The following VARS2 variants were observed in gnomAD, a reference collection of about 807,000 sequenced individuals.
The protein encoded by VARS2 is valyl-tRNA synthetase 2, mitochondrial.
VARS2 carries 105 observed loss-of-function variants against 154.1 expected under a neutral mutation model. That is an observed-to-expected ratio of 0.68 (90% CI 0.58 to 0.80). The LOEUF (loss-of-function observed/expected upper bound fraction) is 0.80, where lower values mean the gene tolerates loss of function less well. Among genes scored for constraint, VARS2 ranks in the 30% least tolerant of loss-of-function variants. The pLI is 0.00. For missense variants in VARS2, 1,157 were observed against 1,361.4 expected, an observed-to-expected ratio of 0.85 and a Z score of 2.36; for synonymous variants, 483 against 539.5, an observed-to-expected ratio of 0.90 and a Z score of 1.45.
chr6:30,914,935 G>A lies in VARS2; in HGVS notation c.99G>A (p.Glu33=), dbSNP rs770624192. The A allele has an allele frequency of 6.2e-7, 1 of 1,613,072 alleles. No homozygotes were observed. Among genetic ancestry groups the A allele is most frequent in the Admixed American group, 1.7e-5 (1 of 60,028 alleles). The change falls in exon 2 of 30, where the codon GAG becomes GAA. Residue 33 remains glutamate, a synonymous_variant. Transcript: ENST00000676266. ...PRFHSVSTQS[E]PHGSPISRRN... is the part of the protein sequence containing the mutation. Reference sequence around the variant, plus strand: ...TTCACTCCGTTTCTACACAGTCGGAGCCCCATGGATCTCCCATCTCCCGGA... The same window carrying A: ...TTCACTCCGTTTCTACACAGTCGGAACCCCATGGATCTCCCATCTCCCGGA...
In VARS2 at chr6:30,921,515, C is replaced by T. The variant is rs114889222; in HGVS notation, c.1633-74C>T. 0.011 allele frequency: 16,142 copies of T among 1,524,258 alleles called. 122 individuals carry two copies. Among genetic ancestry groups the T allele is most frequent in the Non-Finnish European group, 0.011 (12,803 of 1,121,030 alleles). 94.4% of individuals were successfully genotyped at this position (1,524,258 alleles called of 1,614,324 possible). A position where few individuals can be genotyped will look rare whatever the true frequency, so the allele number is the denominator to read the frequency against. ...TGGCCACTCTAAGACCACATGAGGACGTGAAAACCAAGTGACATTTACACC... is the reference window on the plus strand; with the variant it reads ...TGGCCACTCTAAGACCACATGAGGATGTGAAAACCAAGTGACATTTACACC... On this transcript the variant is annotated intron_variant, in intron 17 of 29. Transcript: ENST00000676266. This position sits in a 1 kb window ranked among gnomAD's most constrained non-coding sequence, Gnocchi z 4.6.
intron 11 of VARS2, 76 bp downstream of exon 11, chr6:30,918,991 C>A: frequency 7.5e-7 from 1 of 1,328,936 alleles, no homozygotes. Flanking sequence ...TAAATGGTGG[C>A]TCTTTCTCTC....
Position 30,920,354 on chromosome 6 carries a change from C to T in VARS2, c.1315C>T (p.Arg439Trp), listed in dbSNP as rs867938374. The change falls in exon 14 of 30, where the codon CGG (arginine) becomes TGG (tryptophan). Residue 439 changes from arginine (R) to tryptophan (W), a missense_variant. Physicochemically the swap from Arg to Trp is moderately radical, Grantham distance 101 (BLOSUM62 -3). Coordinates refer to ENST00000676266, the MANE Select transcript of VARS2 (RefSeq NM_020442.6). This position sits in a 1 kb window ranked among gnomAD's most constrained non-coding sequence, Gnocchi z 4.6. ...CCAGGGTCTTCACCGGTTTGTGGCC[C>T]GGGAAAAGATAATGTCTGTGCTGAG... ...WLQGLHRFVA[R>W]EKIMSVLSEW... is the part of the protein sequence containing the mutation. The T allele has an allele frequency of 8.7e-6, 14 of 1,612,568 alleles. No individual in the cohort carries two copies. Among genetic ancestry groups the T allele is most frequent in the Non-Finnish European group, 1.1e-5 (13 of 1,179,408 alleles).
intron 26 of VARS2, among the ~76,000 whole-genome samples, chr6:30,924,974 T>C (rs1794747503): frequency 6.6e-6 from 1 of 152,254 alleles, no homozygotes; most frequent in Non-Finnish European, 1.5e-5. Flanking sequence ...ATTTAACTAT[T>C]TAAATTTATA....
At chr6:30,918,260 G>A (rs1440402400) in intron 10 of VARS2, among the ~76,000 whole-genome samples, 1 of 152,172 alleles carries the variant, frequency 6.6e-6, no homozygotes, top group Admixed American at 6.5e-5. Context: ...TAGAGACGGG[G>A]TTTCACCATG....
Position 30,926,095 on chromosome 6 carries a change from T to G in VARS2, c.3091-14T>G. 6.2e-7 allele frequency: 1 copy of G among 1,613,052 alleles called. No individual in the cohort carries two copies. ...CTCATTCCTGGATCCTCACCTCCTTTTCTCCTCGTCCAGCTTTCTTCCCTC... is the reference window on the plus strand; with the variant it reads ...CTCATTCCTGGATCCTCACCTCCTTGTCTCCTCGTCCAGCTTTCTTCCCTC... On this transcript the variant is annotated splice_polypyrimidine_tract_variant and intron_variant, in intron 29 of 29. Transcript: ENST00000676266.
chr6:30,921,850 A>C lies in VARS2; in HGVS notation c.1736-75A>C. The stretch of plus-strand genomic sequence containing the variant: ...GGTCTCTGGGGGTGGGGGTTGGCCT[A>C]GAATGGTGGCAGCAGTGGTCTGAGG... On this transcript the variant is annotated intron_variant, in intron 18 of 29. Transcript: ENST00000676266. The surrounding 1 kb of genome is among the most constrained non-coding windows in gnomAD (Gnocchi z 4.6). 6.3e-7 allele frequency: 1 copy of C among 1,597,158 alleles called. No homozygotes were observed. The highest frequency in any genetic ancestry group is 8.6e-7 in the Non-Finnish European group (1 of 1,166,856).
chr6:30,919,010 A>G lies in VARS2; in HGVS notation c.1074+95A>G. On this transcript the variant is annotated intron_variant, in intron 11 of 29. Transcript: ENST00000676266. This position sits in a 1 kb window ranked among gnomAD's most constrained non-coding sequence, Gnocchi z 4.5. ...TGGTGGCTCTTTCTCTCTTGCTTCTACTTCCTTTTCCTGAGACTTCTCTCA... is the reference window on the plus strand; with the variant it reads ...TGGTGGCTCTTTCTCTCTTGCTTCTGCTTCCTTTTCCTGAGACTTCTCTCA... 8.5e-7 allele frequency: 1 copy of G among 1,175,956 alleles called. No homozygotes were observed. Among genetic ancestry groups the G allele is most frequent in the Non-Finnish European group, 1.2e-6 (1 of 803,740 alleles). The allele number at this position is 1,175,956 out of a possible 1,614,324, so 72.8% of individuals were successfully genotyped here. A position where few individuals can be genotyped will look rare whatever the true frequency, so the allele number is the denominator to read the frequency against.
At position 30,914,815 on chromosome 6, in the gene VARS2, G is replaced by A. The variant is rs771687543; in HGVS notation, c.-22G>A. ...TCTCTCTCTATCCAGAACAGATCTC[G>A]GCCCCTTTCCAAACACTCCTGATGC... On this transcript the variant is annotated 5_prime_UTR_variant, in exon 2 of 30. Coordinates refer to ENST00000676266, the MANE Select transcript of VARS2 (RefSeq NM_020442.6). The A allele has an allele frequency of 6.2e-7, 1 of 1,612,902 alleles. No homozygotes were observed. Among genetic ancestry groups the A allele is most frequent in the Non-Finnish European group, 8.5e-7 (1 of 1,179,966 alleles).
chr6:30,917,304 C>T lies in VARS2; in HGVS notation c.873+80C>T. 1 of 1,605,840 alleles carries T rather than the reference C, an allele frequency of 6.2e-7. No individual in the cohort carries two copies. Among genetic ancestry groups the T allele is most frequent in the Non-Finnish European group, 8.5e-7 (1 of 1,174,370 alleles). On this transcript the variant is annotated intron_variant, in intron 9 of 29. Coordinates refer to ENST00000676266, the MANE Select transcript of VARS2 (RefSeq NM_020442.6). This position sits in a 1 kb window ranked among gnomAD's most constrained non-coding sequence, Gnocchi z 4.4. Reference sequence around the variant, plus strand: ...TGATTAAGAGCTCAGACTCTGGAGCCAGGGTGCCTGGATTCAAATCTGATG... The same window carrying T: ...TGATTAAGAGCTCAGACTCTGGAGCTAGGGTGCCTGGATTCAAATCTGATG...
chr6:30,920,128 C>A lies in VARS2; in HGVS notation c.1205C>A (p.Ala402Asp). 1 of 1,583,048 alleles carries A rather than the reference C, an allele frequency of 6.3e-7. No individual in the cohort carries two copies. Among genetic ancestry groups the A allele is most frequent in the Non-Finnish European group, 8.6e-7 (1 of 1,164,574 alleles). Residue 402 changes from alanine to aspartate, a missense_variant, in exon 13 of 30, where the codon GCT becomes GAT. Ala to Asp is a moderately radical substitution (Grantham distance 126, BLOSUM62 -2). Coordinates refer to ENST00000676266, the MANE Select transcript of VARS2 (RefSeq NM_020442.6). This position sits in a 1 kb window ranked among gnomAD's most constrained non-coding sequence, Gnocchi z 4.6. ...KVTPAHSPAD[A>D]EMGARHGLSP... The stretch of plus-strand genomic sequence containing the variant: ...ACTCCAGCTCACAGTCCTGCCGATG[C>A]TGAGATGGGGGCCCGACATGGCTTG...
At chr6:30,922,094 T>C in intron 19 of VARS2, 22 bp from the exon 20 acceptor site, 1 of 1,612,426 alleles carries the variant, frequency 6.2e-7, no homozygotes, top group Non-Finnish European at 8.5e-7. Context: ...CCTGGGCCTC[T>C]TACTGCTCCT....
intron 25 of VARS2, chr6:30,923,743 G>A: frequency 1.7e-6 from 1 of 575,894 alleles, no homozygotes; most frequent in Non-Finnish European, 3.0e-6. Context: ...TTCTAGAAAT[G>A]TCTGACAAGT....
rs1417117927 is a variant in VARS2 at position 30,916,453 on chromosome 6, C to T, written c.671+204C>T. 1.0e-5 allele frequency: 4 copies of T among 398,464 alleles called. No homozygotes were observed. Among genetic ancestry groups the T allele is most frequent in the Middle Eastern group, 6.4e-4 (1 of 1,572 alleles). The allele number at this position is 398,464 out of a possible 1,614,324, so 24.7% of individuals were successfully genotyped here. A position where few individuals can be genotyped will look rare whatever the true frequency, so the allele number is the denominator to read the frequency against. On this transcript the variant is annotated intron_variant, in intron 7 of 29. Transcript: ENST00000676266. The surrounding 1 kb of genome is among the most constrained non-coding windows in gnomAD (Gnocchi z 4.0). Reference sequence around the variant, plus strand: ...GATATTATATATGCATTAGAATATTCGTGTGTGTGTGTGTGTGTGTGTGTA... The same window carrying T: ...GATATTATATATGCATTAGAATATTTGTGTGTGTGTGTGTGTGTGTGTGTA...
At chr6:30,925,467 C>T (rs1794777238) in intron 27 of VARS2, 77 bp from the exon 28 acceptor site, 8 of 1,557,518 alleles carry the variant, frequency 5.1e-6, no homozygotes, top group East Asian at 4.5e-5. Context: ...GAAGGGCCAA[C>T]CCCCCCGTTA....
chr6:30,925,400 G>T lies in VARS2; in HGVS notation c.2785+15G>T, dbSNP rs1293797655. 1.9e-6 allele frequency: 3 copies of T among 1,601,098 alleles called. No individual in the cohort carries two copies. The highest frequency in any genetic ancestry group is 2.2e-5 in the East Asian group (1 of 44,532). ...CCGGCCCCGAGGTGAGGCAAGGCGGGTCCTGGGCTCGGATCCCTGCAGGAA... is the reference window on the plus strand; with the variant it reads ...CCGGCCCCGAGGTGAGGCAAGGCGGTTCCTGGGCTCGGATCCCTGCAGGAA... On this transcript the variant is annotated intron_variant, in intron 27 of 29. Transcript: ENST00000676266.
chr6:30,915,779 T>C lies in VARS2; in HGVS notation c.418T>C (p.Ser140Pro). ...RLPQATGETFSMCIPPPNVTG... is the reference protein window; with the variant it reads ...RLPQATGETFPMCIPPPNVTG... ...GCCCCAAGCTACAGGGGAGACCTTT[T>C]CCATGTGTATCCCACCTCCCAATGT... Residue 140 changes from serine to proline, a missense_variant, in exon 5 of 30, where the codon TCC (serine) becomes CCC (proline). Transcript: ENST00000676266. The C allele has an allele frequency of 6.2e-7, 1 of 1,613,794 alleles. No individual in the cohort carries two copies. Among genetic ancestry groups the C allele is most frequent in the Non-Finnish European group, 8.5e-7 (1 of 1,180,038 alleles).
intron 3 of VARS2, 33 bp downstream of exon 3, chr6:30,915,270 C>T: frequency 4.3e-6 from 7 of 1,612,692 alleles, no homozygotes; most frequent in Non-Finnish European, 5.9e-6. Flanking sequence ...CCTTTTCTTT[C>T]ACATATGTGT....
At chr6:30,915,674 T>A (rs975423698) in intron 4 of VARS2, 72 bp from the exon 5 acceptor site, 1 of 1,594,742 alleles carries the variant, frequency 6.3e-7, no homozygotes, top group Non-Finnish European at 8.6e-7. Context: ...CTTTCTGTTC[T>A]GGAGACAGTA....
Sources: gnomAD v4.1 joint callset for allele counts (sites outside exome capture counted in the v4.1 genomes callset) on GRCh38, gnomAD v4.1.1 for gene constraint, Gnocchi (gnomAD v3.1) non-coding constraint, MANE v1.5 for transcripts, NCBI Gene and HGNC (gene_info 2026-07-23, HGNC 2026-07-21) for gene names.